MYH4: variants seen among roughly 807,000 people sequenced by gnomAD.
MYH4 encodes myosin heavy chain 4, also known as myosin-4.
Under a neutral mutation model 229.9 loss-of-function variants are expected in MYH4, and 200 were observed. The ratio of observed to expected loss-of-function variants is 0.87; its 90% confidence interval spans 0.78 to 0.98. The LOEUF (loss-of-function observed/expected upper bound fraction) is 0.98, where lower values mean the gene tolerates loss of function less well. MYH4 is among the 50% of genes least tolerant of loss of function. The probability of loss-of-function intolerance (pLI) is 0.00; values close to 1 mark genes in which losing one functional copy is unlikely to be tolerated. For synonymous variants in MYH4, 761 were observed against 834.6 expected, an observed-to-expected ratio of 0.91 and a Z score of 1.52; for missense variants, 2,148 against 2,332.6, an observed-to-expected ratio of 0.92 and a Z score of 1.63.
In MYH4 at chr17:10,452,779, ATACT is replaced by A. The variant is rs2072592592; in HGVS notation, c.3257+4_3257+7del. On this transcript the variant is annotated splice_donor_5th_base_variant and intron_variant, in intron 25 of 39. Transcript: ENST00000255381. ...AAGCAGGTTATAGCTGAATTATACC[ATACT>A]TACTTTTTGAGTTTCTCATTAAGTT... 1 of 1,599,890 alleles carries A rather than the reference ATACT, an allele frequency of 6.3e-7. No homozygotes were observed. The highest frequency in any genetic ancestry group is 1.4e-5 in the African/African-American group (1 of 73,946).
Position 10,465,539 on chromosome 17 carries a change from G to C in MYH4, c.408C>G (p.Asn136Lys). The C allele has an allele frequency of 2.5e-6, 4 of 1,614,148 alleles. No homozygotes were observed. The highest frequency in any genetic ancestry group is 3.4e-6 in the Non-Finnish European group (4 of 1,180,028). ...VNPYKWLPVYNPEVVTAYRGK... is the reference protein window; with the variant it reads ...VNPYKWLPVYKPEVVTAYRGK... ...CTCGGTAGGCTGTCACCACCTCAGG[G>C]TTGTACACCGGCAGCCACTTGTAGG... Residue 136 changes from asparagine to lysine, a missense_variant, in exon 5 of 40, where the codon AAC becomes AAG. Asn to Lys is a moderately conservative substitution (Grantham distance 94). Coordinates refer to ENST00000255381, the MANE Select transcript of MYH4 (RefSeq NM_017533.2).
intron 11 of MYH4, among the ~76,000 whole-genome samples, 174 bp from the exon 12 acceptor site, chr17:10,461,228 G>A (rs1322839612): frequency 6.6e-6 from 1 of 152,024 alleles, no homozygotes; most frequent in African/African-American, 2.4e-5. Flanking sequence ...ATGGCAACAC[G>A]AAGAGGTATG....
At chr17:10,454,855 A>G (rs1409605241) in intron 21 of MYH4, 45 bp from the exon 22 acceptor site, 4 of 1,610,254 alleles carry the variant, frequency 2.5e-6, no homozygotes, top group Non-Finnish European at 3.4e-6. Context: ...TAATGTGGAA[A>G]GTGATCATCA....
In MYH4 at chr17:10,449,015, T is replaced by A. The variant is rs1242826345; in HGVS notation, c.4214A>T (p.Glu1405Val). Reference protein sequence around the residue: ...KKLAQRLQDAEEHVEAVNSKC... With the variant: ...KKLAQRLQDAVEHVEAVNSKC... ...GGAATTCACAGCTTCTACATGTTCT[T>A]CTGCATCCTGCAGACGCTGGGCTAG... is the stretch of plus-strand genomic sequence containing the variant. Residue 1405 changes from glutamate to valine, a missense_variant, in exon 31 of 40, where the codon GAA becomes GTA. By Grantham distance (121) the Glu-to-Val change is moderately radical. Coordinates refer to ENST00000255381, the MANE Select transcript of MYH4 (RefSeq NM_017533.2). 1 of 1,614,162 alleles carries A rather than the reference T, an allele frequency of 6.2e-7. No homozygotes were observed. The highest frequency in any genetic ancestry group is 1.3e-5 in the African/African-American group (1 of 75,064).
rs201862874 is a variant in MYH4 at position 10,462,825 on chromosome 17, A to C, written c.1008+40T>G. On this transcript the variant is annotated intron_variant, in intron 11 of 39. Transcript: ENST00000255381. ...ATAGAGGAGAGTGTTGTACACTGGA[A>C]AATGAATTTACTTTTTACTACTTTG... The C allele has an allele frequency of 9.2e-6, 14 of 1,521,056 alleles. No individual in the cohort carries two copies. In the East Asian group the frequency reaches 3.1e-4, roughly 34 times the overall value. The allele number at this position is 1,521,056 out of a possible 1,614,324, so 94.2% of individuals were successfully genotyped here.
At chr17:10,453,445 G>C in intron 23 of MYH4, 117 bp from the exon 24 acceptor site, 2 of 1,574,692 alleles carry the variant, frequency 1.3e-6, no homozygotes, top group South Asian at 2.4e-5. Flanking sequence ...AGAACCAGGA[G>C]CTAACCCAGG....
intron 17 of MYH4, among the ~76,000 whole-genome samples, chr17:10,456,138 G>A (rs373324541): frequency 4.6e-5 from 7 of 152,250 alleles, no homozygotes; most frequent in South Asian, 4.1e-4. Flanking sequence ...TTTGTATTGC[G>A]ATTTTTGTCA....
chr17:10,450,819 T>G lies in MYH4; in HGVS notation c.3942A>C (p.Gln1314His). 2 of 1,614,138 alleles carry G rather than the reference T, an allele frequency of 1.2e-6. No homozygotes were observed. The highest frequency in any genetic ancestry group is 1.7e-6 in the Non-Finnish European group (2 of 1,179,994). The change falls in exon 29 of 40, where the codon CAA becomes CAC. Residue 1314 changes from glutamine (Q) to histidine (H), a missense_variant. Coordinates refer to ENST00000255381, the MANE Select transcript of MYH4 (RefSeq NM_017533.2). ...GCTGCCTCTTTAATTCTTCAATCTG[T>G]TGTGTAAATGCTTGTTTGCCTCGGG... ...QLSRGKQAFT[Q>H]QIEELKRQLE...
At chr17:10,465,728 C>A in intron 4 of MYH4, 130 bp from the exon 5 acceptor site, 1 of 1,191,526 alleles carries the variant, frequency 8.4e-7, no homozygotes, top group Non-Finnish European at 1.2e-6. Context: ...TCATTTGTTG[C>A]CTCCTTCCAT....
chr17:10,454,440 G>A lies in MYH4; in HGVS notation c.2691+115C>T, dbSNP rs533827071. Reference sequence around the variant, plus strand: ...TTGCATCTATTGCTTCTTTATGCCCGAGTCTTGGTGTTTTTGAACAGCAAA... The same window carrying A: ...TTGCATCTATTGCTTCTTTATGCCCAAGTCTTGGTGTTTTTGAACAGCAAA... On this transcript the variant is annotated intron_variant, in intron 22 of 39. Transcript: ENST00000255381. The A allele has an allele frequency of 5.1e-6, 7 of 1,362,172 alleles. No homozygotes were observed. In the African/African-American group the frequency reaches 5.8e-5, roughly 11 times the overall value. The allele number at this position is 1,362,172 out of a possible 1,614,324, so 84.4% of individuals were successfully genotyped here. A position where few individuals can be genotyped will look rare whatever the true frequency, so the allele number is the denominator to read the frequency against.
In MYH4 at chr17:10,453,651, C is replaced by G. The variant is rs1420458817; in HGVS notation, c.2926G>C (p.Glu976Gln). 2 of 1,613,968 alleles carry G rather than the reference C, an allele frequency of 1.2e-6. No homozygotes were observed. The highest frequency in any genetic ancestry group is 1.7e-5 in the Admixed American group (1 of 59,994). ...AKVEKEKHAT[E>Q]NKVKNLTEEM... ...TGGATCATGATTTGTACCTTGTTCT[C>G]TGTGGCATGTTTCTCCTTCTCAACC... The change falls in exon 23 of 40, where the codon GAG (glutamate) becomes CAG (glutamine). Residue 976 changes from glutamate to glutamine, a missense_variant. Glu to Gln is a conservative substitution (Grantham distance 29). Transcript: ENST00000255381.
At chr17:10,463,720 A>C in intron 7 of MYH4, 77 bp from the exon 8 acceptor site, 3 of 1,133,280 alleles carry the variant, frequency 2.6e-6, no homozygotes, top group Non-Finnish European at 3.9e-6. Flanking sequence ...TCCCTTCCCC[A>C]TTGCCCCTGC....
chr17:10,452,312 C>G lies in MYH4; in HGVS notation c.3367G>C (p.Glu1123Gln), dbSNP rs765376875. The G allele has an allele frequency of 6.2e-7, 1 of 1,614,132 alleles. No individual in the cohort carries two copies. Among genetic ancestry groups the G allele is most frequent in the Non-Finnish European group, 8.5e-7 (1 of 1,180,026 alleles). ...GCCCGCTCTGCCTCGATTTCCTCCT[C>G]CAGCTCCTCAATGCGGGCCTGGTTG... ...KELQARIEEL[E>Q]EEIEAERASR... The change falls in exon 27 of 40, where the codon GAG becomes CAG. Residue 1123 changes from glutamate to glutamine, a missense_variant. Transcript: ENST00000255381.
chr17:10,449,633 C>A (rs2072550491), intron 30 of MYH4, among the ~76,000 whole-genome samples: 1 of 152,136 alleles, frequency 6.6e-6, no homozygotes, highest in Admixed American at 6.5e-5. Context: ...GAGGAAACTG[C>A]GGCCCAGAGT....
At chr17:10,447,737 T>TA in intron 34 of MYH4, 81 bp downstream of exon 34, 2 of 1,336,292 alleles carry the variant, frequency 1.5e-6, no homozygotes, top group Non-Finnish European at 2.1e-6. Flanking sequence ...TTATGACACA[T>TA]AGTCCTCGTA....
rs73974715 is a variant in MYH4, at chr17:10,459,174, A to G, written c.1587+77T>C. The G allele has an allele frequency of 9.8e-4, 1,578 of 1,609,602 alleles. 15 individuals carry two copies. In the African/African-American group the frequency reaches 0.019, roughly 20 times the overall value. On this transcript the variant is annotated intron_variant, in intron 15 of 39. Transcript: ENST00000255381. ...GAAACAGCACTGCTTGTTCTTTGAG[A>G]ACAGGGAGTGTGATTAAGCACAGGG...
At chr17:10,448,247 T>A (rs2072533526) in intron 33 of MYH4, 121 bp from the exon 34 acceptor site, 1 of 1,283,346 alleles carries the variant, frequency 7.8e-7, no homozygotes, top group African/African-American at 1.5e-5. Context: ...TAATGTAGCC[T>A]ATTAGCTCTG....
At position 10,450,757 on chromosome 17, in the gene MYH4, A is replaced by G. The variant is rs377747627; in HGVS notation, c.3984+20T>C. 2 of 1,610,560 alleles carry G rather than the reference A, an allele frequency of 1.2e-6. No individual in the cohort carries two copies. Among genetic ancestry groups the G allele is most frequent in the Non-Finnish European group, 1.7e-6 (2 of 1,176,910 alleles). On this transcript the variant is annotated intron_variant, in intron 29 of 39. Transcript: ENST00000255381. ...TTGCACGGTTCAAGTGATTGAAAGT[A>G]TCAGCTGGAGAATTCTCACCTTAGT...
Position 10,443,429 on chromosome 17 carries a change from G to C in MYH4, c.5766C>G (p.Asn1922Lys), listed in dbSNP as rs1471868347. The change falls in exon 40 of 40, where the codon AAC (asparagine) becomes AAG (lysine). Residue 1922 changes from asparagine to lysine, a missense_variant. Asn to Lys is a moderately conservative substitution (Grantham distance 94). Coordinates refer to ENST00000255381, the MANE Select transcript of MYH4 (RefSeq NM_017533.2). This position sits in a 1 kb window ranked among gnomAD's most constrained non-coding sequence, Gnocchi z 4.6. ...ERADIAESQV[N>K]KLRVKSREVH... ...CCTCCCGACTCTTCACTCTCAGCTT[G>C]TTGACTTGGGACTCAGCAATGTCAG... 1 of 1,614,016 alleles carries C rather than the reference G, an allele frequency of 6.2e-7. No homozygotes were observed.
Sources: allele counts gnomAD v4.1 joint callset (sites outside exome capture counted in the v4.1 genomes callset), GRCh38; gene constraint gnomAD v4.1.1; non-coding constraint Gnocchi (gnomAD v3.1); transcripts MANE v1.5; gene names NCBI Gene and HGNC (gene_info 2026-07-23, HGNC 2026-07-21).